The following ZNF573 variants were observed in gnomAD, a reference collection of about 807,000 sequenced individuals.
ZNF573 encodes zinc finger protein 573.
Under a neutral mutation model 57.4 loss-of-function variants are expected in ZNF573, and 41 were observed. The observed-to-expected ratio is 0.71, with a 90% CI of 0.56 to 0.93. The LOEUF is 0.93. Among genes scored for constraint, ZNF573 ranks in the 40% least tolerant of loss-of-function variants. The pLI, the probability that ZNF573 is intolerant of heterozygous loss-of-function variation, is 0.00. For missense variants in ZNF573, 730 were observed against 794.8 expected (o/e 0.92, Z 0.98); for synonymous variants, 249 against 261.0 (o/e 0.95, Z 0.44).
chr19:37,740,980 T>C (rs2045321860), intron 4 of ZNF573, among the ~76,000 whole-genome samples: 2 of 152,218 alleles, frequency 1.3e-5, no homozygotes, highest in Admixed American at 6.5e-5. Context: ...ATGTGGTCAG[T>C]ACCCTCACAA....
At chr19:37,770,699 G>A (rs562442016) in intron 3 of ZNF573, 11 of 149,512 alleles carry the variant, frequency 7.4e-5, no homozygotes, top group Non-Finnish European at 1.2e-4. Context: ...AGCCCAGGAG[G>A]TTGAGGCTAC....
chr19:37,752,748 T>C (rs971936820), intron 4 of ZNF573, among the ~76,000 whole-genome samples: 1 of 152,058 alleles, frequency 6.6e-6, no homozygotes, highest in Admixed American at 6.6e-5. Flanking sequence ...CATCCTCCCA[T>C]CTCAGCCTCT....
chr19:37,742,871 A>G (rs763692875), intron 4 of ZNF573, among the ~76,000 whole-genome samples: 1 of 152,242 alleles, frequency 6.6e-6, no homozygotes, highest in Admixed American at 6.5e-5. Flanking sequence ...AAAAGAAACT[A>G]TCATCAGAGT....
At chr19:37,761,596 G>C (rs1168383608) in intron 4 of ZNF573, among the ~76,000 whole-genome samples, 1 of 152,040 alleles carries the variant, frequency 6.6e-6, no homozygotes, top group Non-Finnish European at 1.5e-5. Flanking sequence ...TTTGACTGTT[G>C]GTCATAAGAC....
At chr19:37,775,807 T>A (rs1599711245) in intron 1 of ZNF573, among the ~76,000 whole-genome samples, 2 of 125,162 alleles carry the variant, frequency 1.6e-5, no homozygotes, top group African/African-American at 6.4e-5. Flanking sequence ...AAGCTGAGAA[T>A]CAAATCAAGA....
chr19:37,753,217 TTTA>T (rs1169382792), intron 4 of ZNF573, among the ~76,000 whole-genome samples: 2 of 152,106 alleles, frequency 1.3e-5, no homozygotes, highest in Non-Finnish European at 2.9e-5. Flanking sequence ...ACAGTAAAAT[TTTA>T]TTATTATTTT....
chr19:37,768,670 T>C (rs546562883), intron 4 of ZNF573, among the ~76,000 whole-genome samples: 24 of 152,232 alleles, frequency 1.6e-4, no homozygotes, highest in Non-Finnish European at 5.9e-5. Flanking sequence ...ATTTTATTTA[T>C]TTATTTATTT....
At chr19:37,742,917 A>C (rs745932935) in intron 4 of ZNF573, among the ~76,000 whole-genome samples, 1 of 152,148 alleles carries the variant, frequency 6.6e-6, no homozygotes, top group Admixed American at 6.6e-5. Flanking sequence ...AAACCTACCC[A>C]TCTGACAAAG....
chr19:37,761,152 T>C (rs1826537801), intron 4 of ZNF573, among the ~76,000 whole-genome samples: 1 of 152,048 alleles, frequency 6.6e-6, no homozygotes, highest in African/African-American at 2.4e-5. Flanking sequence ...ACAGCACCAC[T>C]GCACCTGCAC....
intron 4 of ZNF573, 42 bp from the exon 5 acceptor site, chr19:37,740,236 AC>A (rs748169269): frequency 6.7e-7 from 1 of 1,495,442 alleles, no homozygotes; most frequent in South Asian, 1.4e-5. Context: ...GTATTTCTAT[AC>A]CAGAGAACAA....
chr19:37,745,155 ACCTTT>A (rs2045368917), intron 4 of ZNF573, among the ~76,000 whole-genome samples: 3 of 150,984 alleles, frequency 2.0e-5, no homozygotes, highest in Admixed American at 6.6e-5. Context: ...GCTCACTGCA[ACCTTT>A]GCCTCTCAGG....
intron 4 of ZNF573, among the ~76,000 whole-genome samples, chr19:37,751,204 A>G (rs35789633): frequency 0.58 from 758 of 1,310 alleles, 103 homozygotes; most frequent in African/African-American, 0.6. Flanking sequence ...TAGACAGCAT[A>G]TATACTGTGT....
intron 1 of ZNF573, among the ~76,000 whole-genome samples, chr19:37,777,226 C>T (rs2045717422): frequency 1.3e-5 from 2 of 151,990 alleles, no homozygotes; most frequent in South Asian, 4.2e-4. Context: ...GTTGGCCAGG[C>T]TGGTCTCGAA....
intron 4 of ZNF573, 106 bp from the exon 5 acceptor site, chr19:37,740,300 T>A (rs553294392): frequency 4.7e-6 from 5 of 1,071,482 alleles, no homozygotes; most frequent in Non-Finnish European, 6.6e-6. Flanking sequence ...GAATGGCATA[T>A]AGAATTCAAA....
At chr19:37,748,211 A>G (rs1460948686) in intron 4 of ZNF573, among the ~76,000 whole-genome samples, 2 of 152,234 alleles carry the variant, frequency 1.3e-5, no homozygotes, top group Admixed American at 1.3e-4. Context: ...TATGAGCTAT[A>G]TGGAAAAACT....
At chr19:37,764,473 A>T (rs890589751) in intron 4 of ZNF573, among the ~76,000 whole-genome samples, 12 of 151,880 alleles carry the variant, frequency 7.9e-5, no homozygotes, top group African/African-American at 2.9e-4. Context: ...GACCAGTGCC[A>T]CCACGCCCAG....
chr19:37,740,133 T>C lies in ZNF573; in HGVS notation c.357A>G (p.Ile119Met), dbSNP rs749852033. ...YIEVPTYETD[I>M]SSTQLQSIYK... is the part of the protein sequence containing the mutation. ...ATATGCTCTGAAGTTGTGTAGAGGA[T>C]ATATCTGTTTCATAAGTGGGTACTT... is the stretch of plus-strand genomic sequence containing the variant. The change falls in exon 5 of 5, where the codon ATA becomes ATG. Residue 119 changes from isoleucine to methionine, a missense_variant. Transcript: ENST00000536220. 6.2e-7 allele frequency: 1 copy of C among 1,611,036 alleles called. No individual in the cohort carries two copies. The highest frequency in any genetic ancestry group is 1.1e-5 in the South Asian group (1 of 90,662).
chr19:37,738,502 A>G lies in ZNF573; in HGVS notation c.1988T>C (p.Ile663Thr), dbSNP rs1455695487. Residue 663 changes from isoleucine (I) to threonine (T), a missense_variant, in exon 5 of 5, where the codon ATA (isoleucine) becomes ACA (threonine). Physicochemically the swap from Ile to Thr is moderately conservative, Grantham distance 89. Coordinates refer to ENST00000536220, the MANE Select transcript of ZNF573 (RefSeq NM_001172690.2). ...LKAHQRIHRSIKV is the reference protein window; with the variant it reads ...LKAHQRIHRSTKV ...GTACTCTTTACGGTCTTACACTTTTATGCTCCTATGAATTCTCTGATGGGC... is the reference window on the plus strand; with the variant it reads ...GTACTCTTTACGGTCTTACACTTTTGTGCTCCTATGAATTCTCTGATGGGC... The G allele has an allele frequency of 6.5e-7, 1 of 1,531,918 alleles. No individual in the cohort carries two copies. The highest frequency in any genetic ancestry group is 2.3e-5 in the East Asian group (1 of 44,336). The allele number at this position is 1,531,918 out of a possible 1,614,324, so 94.9% of individuals were successfully genotyped here.
At chr19:37,766,570 T>C (rs896912235) in intron 4 of ZNF573, among the ~76,000 whole-genome samples, 1 of 152,240 alleles carries the variant, frequency 6.6e-6, no homozygotes, top group Non-Finnish European at 1.5e-5. Flanking sequence ...AATTCTCCAC[T>C]GTGGTGTCTT....
Sources: allele counts gnomAD v4.1 joint callset (sites outside exome capture counted in the v4.1 genomes callset), GRCh38; gene constraint gnomAD v4.1.1; transcripts MANE v1.5; gene names NCBI Gene and HGNC (gene_info 2026-07-23, HGNC 2026-07-21).